The following CNTNAP4 variants were observed in gnomAD, a reference collection of about 807,000 sequenced individuals.
The protein encoded by CNTNAP4 is contactin-associated protein-like 4.
A neutral mutation model predicts 148.4 loss-of-function variants in CNTNAP4; 98 were observed. The ratio of observed to expected loss-of-function variants is 0.66; its 90% CI spans 0.56 to 0.78. CNTNAP4 has a LOEUF of 0.78. CNTNAP4 is among the 30% of genes least tolerant of loss of function. The pLI is 0.00. For synonymous variants in CNTNAP4, 730 were observed against 565.1 expected (o/e 1.29, Z -4.14); for missense variants, 1,935 against 1,565.6 (o/e 1.24, Z -3.98).
chr16:76,535,472 A>G (rs908897516), intron 17 of CNTNAP4, 73 bp from the exon 18 acceptor site: 11 of 1,527,516 alleles, frequency 7.2e-6, no homozygotes, highest in South Asian at 2.5e-5. Flanking sequence ...GTAAGGCCTC[A>G]GTTTTGTTTG....
intron 3 of CNTNAP4, among the ~76,000 whole-genome samples, chr16:76,375,718 C>T (rs17766951): frequency 3.9e-5 from 6 of 152,128 alleles, no homozygotes; most frequent in African/African-American, 1.2e-4. Flanking sequence ...CACATTGTCT[C>T]ATTTTCTGCA....
intron 11 of CNTNAP4, among the ~76,000 whole-genome samples, chr16:76,478,172 A>G (rs1039478608): frequency 2.0e-5 from 3 of 152,222 alleles, no homozygotes; most frequent in South Asian, 4.1e-4. Flanking sequence ...AGCCATACAC[A>G]TAAATCAGAA....
chr16:76,479,353 G>A (rs758724671), intron 11 of CNTNAP4, 66 bp from the exon 12 acceptor site: 2 of 1,400,438 alleles, frequency 1.4e-6, no homozygotes, highest in Non-Finnish European at 1.9e-6. Flanking sequence ...GGTATTTCAT[G>A]TCCAAATTAA....
intron 2 of CNTNAP4, among the ~76,000 whole-genome samples, chr16:76,344,573 G>T (rs987173289): frequency 6.6e-5 from 10 of 152,146 alleles, no homozygotes; most frequent in Admixed American, 2.0e-4. Context: ...TCTTAGGCCA[G>T]TTCTAAACCG....
intron 15 of CNTNAP4, among the ~76,000 whole-genome samples, chr16:76,516,166 C>T (rs2083244932): frequency 6.9e-6 from 1 of 145,464 alleles, no homozygotes; most frequent in East Asian, 2.3e-4. Context: ...TTATTTAACT[C>T]CCACTTACAA....
intron 4 of CNTNAP4, among the ~76,000 whole-genome samples, chr16:76,438,930 T>TTGTACAATTACAACTTGTAAATA (rs1327532395): frequency 6.6e-6 from 1 of 152,248 alleles, no homozygotes; most frequent in Non-Finnish European, 1.5e-5. Context: ...ATGTGTACAT[T>TTGTACAATTACAACTTGTAAATA]TGTACAATTA....
Position 76,535,771 on chromosome 16 carries a change from A to G in CNTNAP4, c.2982A>G (p.Pro994=), listed in dbSNP as rs1477470536. 1.2e-6 allele frequency: 2 copies of G among 1,613,666 alleles called. No individual in the cohort carries two copies. Among genetic ancestry groups the G allele is most frequent in the East Asian group, 2.2e-5 (1 of 44,880 alleles). The change falls in exon 18 of 24, where the codon CCA becomes CCG. Residue 994 remains proline, a synonymous_variant. Transcript: ENST00000611870. ...GCACTTTCTCTGCATACACAGGGCC[A>G]TTCTGCTCAAATGGTAAGTGTGGCA... ...CDCTFSAYTG[P]FCSNEISAYF... is the part of the protein sequence containing the mutation.
chr16:76,355,623 T>A (rs1046089217), intron 3 of CNTNAP4, 112 bp downstream of exon 3: 2 of 702,056 alleles, frequency 2.8e-6, no homozygotes, highest in Non-Finnish European at 2.1e-6. Context: ...CAGACTTACA[T>A]TGAAAACATT....
intron 14 of CNTNAP4, 144 bp from the exon 15 acceptor site, chr16:76,498,423 T>C: frequency 2.0e-6 from 1 of 505,440 alleles, no homozygotes; most frequent in East Asian, 3.5e-5. Flanking sequence ...AAATCAAATG[T>C]CATTCTGTTT....
chr16:76,357,345 G>C (rs911634133), intron 3 of CNTNAP4, among the ~76,000 whole-genome samples: 3 of 152,132 alleles, frequency 2.0e-5, no homozygotes, highest in Non-Finnish European at 4.4e-5. Flanking sequence ...CAGGAAAATT[G>C]TTGTACTTCT....
intron 15 of CNTNAP4, among the ~76,000 whole-genome samples, chr16:76,500,787 A>T (rs559205441): frequency 1.1e-4 from 16 of 151,132 alleles, no homozygotes; most frequent in South Asian, 2.1e-4. Context: ...ATATATATAT[A>T]TTTTCTTTGA....
At chr16:76,452,375 T>A in intron 7 of CNTNAP4, 133 bp from the exon 8 acceptor site, 4 of 775,674 alleles carry the variant, frequency 5.2e-6, no homozygotes, top group Non-Finnish European at 8.3e-6. Context: ...GGCAGTGGTT[T>A]GGACTGTCAT....
chr16:76,319,809 C>T (rs181948300), intron 2 of CNTNAP4, among the ~76,000 whole-genome samples: 117 of 152,240 alleles, frequency 7.7e-4, no homozygotes, highest in Admixed American at 1.8e-3. Context: ...TTCTCTAAGC[C>T]CACAGAGGGA....
At chr16:76,457,718 G>A (rs1054745905) in intron 8 of CNTNAP4, among the ~76,000 whole-genome samples, 1 of 152,152 alleles carries the variant, frequency 6.6e-6, no homozygotes. Context: ...CTAGAAACTG[G>A]TAAAAAGAGA....
intron 9 of CNTNAP4, among the ~76,000 whole-genome samples, chr16:76,466,622 G>C (rs1198855277): frequency 6.6e-6 from 1 of 151,882 alleles, no homozygotes; most frequent in Non-Finnish European, 1.5e-5. Flanking sequence ...GAAACATTTA[G>C]AATGTCATTA....
Position 76,538,128 on chromosome 16 carries a change from AT to A in CNTNAP4, c.3012del (p.Phe1004LeufsTer7), listed in dbSNP as rs2084290709. 1 of 1,455,542 alleles carries A rather than the reference AT, an allele frequency of 6.9e-7. No homozygotes were observed. Among genetic ancestry groups the A allele is most frequent in the Non-Finnish European group, 9.1e-7 (1 of 1,096,266 alleles). The allele number at this position is 1,455,542 out of a possible 1,614,324, so 90.2% of individuals were successfully genotyped here. A position where few individuals can be genotyped will look rare whatever the true frequency, so the allele number is the denominator to read the frequency against. ...TATATTATTTCAGAGATTTCTGCATATTTTGGATCTGGCTCATCCGTGATAT... is the reference window on the plus strand; with the variant it reads ...TATATTATTTCAGAGATTTCTGCATATTTGGATCTGGCTCATCCGTGATAT... ...GPFCSNEISAYFGSGSSVIYN... is the reference protein window; with the variant it reads ...GPFCSNEISAXFGSGSSVIYN... On this transcript the variant is annotated frameshift_variant, in exon 19 of 24. Coordinates refer to ENST00000611870, the MANE Select transcript of CNTNAP4 (RefSeq NM_033401.5). LOFTEE classifies it high-confidence loss of function.
At chr16:76,350,678 A>G (rs1235251291) in intron 2 of CNTNAP4, among the ~76,000 whole-genome samples, 1 of 152,212 alleles carries the variant, frequency 6.6e-6, no homozygotes, top group Non-Finnish European at 1.5e-5. Context: ...TTCAAAAAGC[A>G]CTAACTGCCA....
chr16:76,347,253 G>A (rs1039534020), intron 2 of CNTNAP4, among the ~76,000 whole-genome samples: 32 of 151,660 alleles, frequency 2.1e-4, no homozygotes, highest in Non-Finnish European at 4.4e-5. Flanking sequence ...CTTCAGTTTG[G>A]GTACAGTTCC....
chr16:76,436,632 C>T (rs62052986), intron 4 of CNTNAP4, among the ~76,000 whole-genome samples: 51,872 of 152,002 alleles, frequency 0.34, 10,777 homozygotes, highest in Non-Finnish European at 0.44. Context: ...AGCAACCAAC[C>T]AGCTTCATTA....
Sources: allele counts gnomAD v4.1 joint callset (sites outside exome capture counted in the v4.1 genomes callset), GRCh38; gene constraint gnomAD v4.1.1; transcripts MANE v1.5; gene names NCBI Gene and HGNC (gene_info 2026-07-23, HGNC 2026-07-21).